Variants in HPSE2 observed in about 807,000 individuals in gnomAD.
HPSE2 encodes inactive heparanase-2.
In HPSE2, 38 loss-of-function variants were observed where a neutral mutation model predicts 60.5. The observed-to-expected ratio is 0.63, with a 90% CI of 0.48 to 0.82. The LOEUF (loss-of-function observed/expected upper bound fraction) is 0.82, where lower values mean the gene tolerates loss of function less well. Ranked by LOEUF, HPSE2 falls within the 40% of genes least tolerant of loss-of-function variation. The pLI, the probability that HPSE2 is intolerant of heterozygous loss-of-function variation, is 0.00. For synonymous variants in HPSE2, 295 were observed against 293.2 expected (o/e 1.01, Z -0.06); for missense variants, 713 against 740.4 (o/e 0.96, Z 0.43).
chr10:98,990,090 C>G (rs1305988131), intron 3 of HPSE2, among the ~76,000 whole-genome samples: 3 of 152,188 alleles, frequency 2.0e-5, no homozygotes, highest in Admixed American at 1.3e-4. Context: ...GTGTCAGATT[C>G]TGACTTAAAG....
At chr10:98,630,503 G>GT (rs1188646698) in intron 7 of HPSE2, among the ~76,000 whole-genome samples, 18 of 151,866 alleles carry the variant, frequency 1.2e-4, no homozygotes, top group Admixed American at 8.5e-4. Context: ...GGCCGTAATA[G>GT]TTTTTTTACC....
At chr10:98,675,761 AAG>A (rs1947625093) in intron 6 of HPSE2, among the ~76,000 whole-genome samples, 2 of 152,218 alleles carry the variant, frequency 1.3e-5, no homozygotes, top group Non-Finnish European at 1.5e-5. Flanking sequence ...AGAAAAAAGA[AAG>A]AGAGGGTTGT....
chr10:99,253,372 A>G, the HPSE2 span, among the ~76,000 whole-genome samples: 2 of 152,182 alleles, frequency 1.3e-5, no homozygotes, highest in South Asian at 2.1e-4. Flanking sequence ...TAACAACAAC[A>G]AAAAAAGCAA....
At chr10:98,678,320 T>G (rs1208283524) in intron 6 of HPSE2, among the ~76,000 whole-genome samples, 4 of 152,162 alleles carry the variant, frequency 2.6e-5, no homozygotes, top group Non-Finnish European at 4.4e-5. Context: ...AATGTGATGA[T>G]GGATGTATTC....
chr10:99,314,234 G>A, the HPSE2 span, among the ~76,000 whole-genome samples: 3 of 152,026 alleles, frequency 2.0e-5, no homozygotes, highest in Non-Finnish European at 4.4e-5. Flanking sequence ...ACCATCTCAG[G>A]TCACTGCAAC....
intron 3 of HPSE2, among the ~76,000 whole-genome samples, chr10:98,895,999 TG>T (rs1953480776): frequency 6.7e-6 from 1 of 149,966 alleles, no homozygotes; most frequent in African/African-American, 2.5e-5. Flanking sequence ...GACGAGTTAA[TG>T]GGTACAGCAC....
chr10:99,038,427 A>G (rs1957658361), intron 3 of HPSE2, among the ~76,000 whole-genome samples: 1 of 152,202 alleles, frequency 6.6e-6, no homozygotes, highest in South Asian at 2.1e-4. Context: ...AAAGTCAATT[A>G]CTATATGATT....
chr10:98,726,499 G>A (rs1033959013), intron 4 of HPSE2, among the ~76,000 whole-genome samples: 1 of 145,680 alleles, frequency 6.9e-6, no homozygotes. Context: ...GCAGGGGGAG[G>A]GGGGAGGGAT....
intron 5 of HPSE2, among the ~76,000 whole-genome samples, chr10:98,700,523 C>T (rs574303493): frequency 7.0e-6 from 1 of 142,816 alleles, no homozygotes; most frequent in African/African-American, 2.5e-5. Context: ...AAACATTAGA[C>T]CTAAAACCAT....
rs188189461 is a variant in HPSE2, at chr10:98,769,379, G to A, written c.611-25323C>T. On this transcript the variant is annotated intron_variant, in intron 3 of 11. Coordinates refer to ENST00000370552, the MANE Select transcript of HPSE2 (RefSeq NM_021828.5). ...ATGATATTTTGTGTAGAAATATTAT[G>A]GAAATGGACATCTTTAGTCATAATT... Among the ~76,000 whole-genome samples, 325 of 152,204 alleles carry A rather than the reference G, an allele frequency of 2.1e-3. 1 individual carries two copies. The highest frequency in any genetic ancestry group is 4.0e-3 in the Non-Finnish European group (272 of 68,016).
chr10:99,184,829 G>C (rs372833635), intron 2 of HPSE2, among the ~76,000 whole-genome samples: 1,485 of 45,280 alleles, frequency 0.033, 166 homozygotes, highest in Non-Finnish European at 0.058. Flanking sequence ...TAGAGAGAGA[G>C]AGAGAGAGAG....
intron 11 of HPSE2, among the ~76,000 whole-genome samples, chr10:98,473,646 G>A (rs1940879611): frequency 6.6e-6 from 1 of 152,164 alleles, no homozygotes; most frequent in Non-Finnish European, 1.5e-5. Context: ...TTTGAGGAAT[G>A]GTTGAAGGAT....
chr10:98,979,297 T>C (rs995939882), intron 3 of HPSE2, among the ~76,000 whole-genome samples: 1 of 152,124 alleles, frequency 6.6e-6, no homozygotes, highest in African/African-American at 2.4e-5. Flanking sequence ...TGGTAATTGA[T>C]ACCAGAGGCC....
At chr10:98,461,835 C>T (rs769179677) in intron 11 of HPSE2, 10 of 1,578,942 alleles carry the variant, frequency 6.3e-6, no homozygotes. Context: ...GAGTGCAAAA[C>T]AACGTGTGAT....
intron 2 of HPSE2, among the ~76,000 whole-genome samples, chr10:99,148,602 C>T (rs1358881097): frequency 3.3e-5 from 5 of 152,006 alleles, no homozygotes; most frequent in Non-Finnish European, 7.4e-5. Flanking sequence ...ACCAGCCTGC[C>T]CAACCTGGTG....
intron 11 of HPSE2, among the ~76,000 whole-genome samples, chr10:98,468,324 G>A (rs1240579455): frequency 1.3e-5 from 2 of 152,138 alleles, no homozygotes; most frequent in East Asian, 1.9e-4. Flanking sequence ...CCCCATGTCC[G>A]GCTGGAGGAA....
Position 99,117,587 on chromosome 10 carries a change from T to A in HPSE2, c.610+26651A>T, listed in dbSNP as rs180806590. Reference sequence around the variant, plus strand: ...TAATCATAAGCAATTATTATAAACATCTCTATGCACATAAACTAGAAAATA... The same window carrying A: ...TAATCATAAGCAATTATTATAAACAACTCTATGCACATAAACTAGAAAATA... On this transcript the variant is annotated intron_variant, in intron 3 of 11. Transcript: ENST00000370552. Among the ~76,000 whole-genome samples, 192 of 152,008 alleles carry A rather than the reference T, an allele frequency of 1.3e-3. 2 individuals are homozygous for A. Among genetic ancestry groups the A allele is most frequent in the African/African-American group, 4.3e-3 (180 of 41,526 alleles).
chr10:99,234,586 A>T (rs1849777401), intron 1 of HPSE2, among the ~76,000 whole-genome samples: 1 of 152,192 alleles, frequency 6.6e-6, no homozygotes, highest in South Asian at 2.1e-4. Flanking sequence ...CCTGATGGGA[A>T]GGGATCGCAG....
intron 9 of HPSE2, among the ~76,000 whole-genome samples, chr10:98,586,340 C>T (rs76670553): frequency 0.043 from 6,572 of 152,218 alleles, 166 homozygotes; most frequent in South Asian, 0.087. Flanking sequence ...TCCACCATCC[C>T]TGTTTATCTA....
Sources: allele counts gnomAD v4.1 joint callset (sites outside exome capture counted in the v4.1 genomes callset), GRCh38; gene constraint gnomAD v4.1.1; transcripts MANE v1.5; gene names NCBI Gene and HGNC (gene_info 2026-07-23, HGNC 2026-07-21).